C9orf85: variants seen among roughly 807,000 people sequenced by gnomAD.
C9orf85 encodes the protein chromosome 9 open reading frame 85.
Under a neutral mutation model 14.9 loss-of-function variants are expected in C9orf85, and 16 were observed. The observed-to-expected ratio is 1.08, with a 90% CI of 0.73 to 1.63. The LOEUF is 1.63. Among genes scored for constraint, C9orf85 ranks in the 40% most tolerant of loss-of-function variants. The pLI is 0.00. For synonymous variants in C9orf85, 45 were observed against 56.8 expected (o/e 0.79, Z 0.93); for missense variants, 172 against 186.1 (o/e 0.92, Z 0.44).
intron 2 of C9orf85, among the ~76,000 whole-genome samples, chr9:71,960,126 G>A (rs764884009): frequency 6.6e-6 from 1 of 152,146 alleles, no homozygotes; most frequent in Non-Finnish European, 1.5e-5. Flanking sequence ...AAAATGAAAT[G>A]AAACCCAGAG....
At chr9:71,926,554 C>T (rs1257224434) in intron 1 of C9orf85, among the ~76,000 whole-genome samples, 2 of 150,866 alleles carry the variant, frequency 1.3e-5, no homozygotes, top group Non-Finnish European at 2.9e-5. Flanking sequence ...TTTAAAAACC[C>T]GAAACCCGAA....
intron 1 of C9orf85, among the ~76,000 whole-genome samples, chr9:71,935,325 C>T (rs561875483): frequency 1.3e-5 from 2 of 152,210 alleles, no homozygotes; most frequent in Admixed American, 1.3e-4. Flanking sequence ...TTCATAGCAG[C>T]ATTATTTACA....
chr9:71,976,121 C>G (rs192717005), downstream of C9orf85, among the ~76,000 whole-genome samples: 1 of 152,240 alleles, frequency 6.6e-6, no homozygotes, highest in East Asian at 1.9e-4. Context: ...TATTTAGTTC[C>G]TCTACATATA....
At chr9:71,957,517 T>C (rs557234559) in intron 2 of C9orf85, among the ~76,000 whole-genome samples, 1 of 152,314 alleles carries the variant, frequency 6.6e-6, no homozygotes, top group South Asian at 2.1e-4. Context: ...AGGAGAAAGA[T>C]ATTAAATGAT....
intron 1 of C9orf85, among the ~76,000 whole-genome samples, chr9:71,944,499 G>A (rs1313350688): frequency 6.6e-6 from 1 of 151,366 alleles, no homozygotes; most frequent in East Asian, 1.9e-4. Context: ...TAAAACTTTT[G>A]ATTTTATATT....
chr9:71,943,823 G>C (rs887181780), intron 1 of C9orf85, among the ~76,000 whole-genome samples: 2 of 151,706 alleles, frequency 1.3e-5, no homozygotes, highest in African/African-American at 2.4e-5. Context: ...TTACAGGTGT[G>C]AGCCACCGCA....
downstream of C9orf85, among the ~76,000 whole-genome samples, chr9:71,974,574 T>C (rs1395400257): frequency 6.6e-6 from 1 of 152,160 alleles, no homozygotes; most frequent in Non-Finnish European, 1.5e-5. Flanking sequence ...TTGAGAGACA[T>C]TTGAGTTATC....
At chr9:71,921,964 C>G (rs1827820417) in intron 1 of C9orf85, among the ~76,000 whole-genome samples, 2 of 48,420 alleles carry the variant, frequency 4.1e-5, no homozygotes, top group Admixed American at 5.6e-4. Context: ...TATTTTGAAA[C>G]AGAGTCTTGC....
chr9:71,973,860 G>GT (rs60163753), downstream of C9orf85, among the ~76,000 whole-genome samples: 18,652 of 142,436 alleles, frequency 0.13, 1,354 homozygotes, highest in Middle Eastern at 0.18. Context: ...GGGTTTTGTT[G>GT]TTTTTTTTTT....
intron 2 of C9orf85, among the ~76,000 whole-genome samples, chr9:71,962,964 G>A (rs1287900336): frequency 1.3e-5 from 2 of 152,038 alleles, no homozygotes; most frequent in Non-Finnish European, 2.9e-5. Context: ...GCTGAGGCAC[G>A]ATAATCACTT....
At chr9:71,970,953 C>T (rs1822845781) in intron 2 of C9orf85, among the ~76,000 whole-genome samples, 1 of 151,906 alleles carries the variant, frequency 6.6e-6, no homozygotes, top group African/African-American at 2.4e-5. Context: ...TGGGGTTTCA[C>T]CATGTTGGCC....
chr9:71,950,609 A>G (rs1033676985), intron 2 of C9orf85, among the ~76,000 whole-genome samples: 5 of 152,108 alleles, frequency 3.3e-5, no homozygotes, highest in Non-Finnish European at 7.4e-5. Flanking sequence ...TGACCTCATG[A>G]TCCACCTGCC....
Position 71,948,811 on chromosome 9 carries a change from ACG to A in C9orf85, c.209+1701_209+1702del, listed in dbSNP as rs1305625292. ...AGTGCTGGGATTACAGGCGTGAGCC[ACG>A]CCCCCCCCCCCCCCTTTAAATAGTT... On this transcript the variant is annotated intron_variant, in intron 2 of 3. Coordinates refer to ENST00000334731, the MANE Select transcript of C9orf85 (RefSeq NM_182505.5). Among the ~76,000 whole-genome samples, 578 of 72,410 alleles carry A rather than the reference ACG, an allele frequency of 8.0e-3. 4 individuals are homozygous for A. Among genetic ancestry groups the A allele is most frequent in the Middle Eastern group, 0.048 (4 of 84 alleles). 47.5% of individuals were successfully genotyped at this position (72,410 alleles called of 152,430 possible).
intron 1 of C9orf85, chr9:71,918,537 AGCAGGAGTTGAACT>A: frequency 1.2e-6 from 1 of 862,284 alleles, no homozygotes; most frequent in Non-Finnish European, 1.7e-6. Flanking sequence ...TGGGCCACAC[AGCAGGAGTTGAACT>A]GCAGGTGAGT....
In C9orf85 at chr9:71,923,022, C is replaced by T. The variant is rs569911186; in HGVS notation, c.102+11186C>T. 1.3e-3 allele frequency among the ~76,000 whole-genome samples: 200 copies of T among 152,166 alleles called. 3 individuals are homozygous for T. In the South Asian group the frequency reaches 0.036, roughly 27 times the overall value. ...GTGCACGCCTGTAACCCCACCTACT[C>T]GGGAGGCTGGAGTGGGAGAATTGCA... is the stretch of plus-strand genomic sequence containing the variant. On this transcript the variant is annotated intron_variant, in intron 1 of 3. Coordinates refer to ENST00000334731, the MANE Select transcript of C9orf85 (RefSeq NM_182505.5).
chr9:71,919,850 T>C (rs967651851), intron 1 of C9orf85, among the ~76,000 whole-genome samples: 26 of 151,008 alleles, frequency 1.7e-4, no homozygotes, highest in Non-Finnish European at 4.4e-5. Flanking sequence ...GTTTCTTTTT[T>C]CTTTTTTTCT....
chr9:71,976,666 A>G (rs1392232141), downstream of C9orf85, among the ~76,000 whole-genome samples: 1 of 151,958 alleles, frequency 6.6e-6, no homozygotes, highest in African/African-American at 2.4e-5. Flanking sequence ...CATCTCAAAA[A>G]AAAAAAAAAA....
At position 71,911,688 on chromosome 9, in the gene C9orf85, C is replaced by T. The variant is rs756560964; in HGVS notation, c.-47C>T. On this transcript the variant is annotated 5_prime_UTR_variant, in exon 1 of 4. Coordinates refer to ENST00000334731, the MANE Select transcript of C9orf85 (RefSeq NM_182505.5). Reference sequence around the variant, plus strand: ...GAGTAGTTCGTTGGTTTTCTTTCCCCTCATCCTTTTGCCTGCTCCCGGCGA... The same window carrying T: ...GAGTAGTTCGTTGGTTTTCTTTCCCTTCATCCTTTTGCCTGCTCCCGGCGA... 5.9e-6 allele frequency: 9 copies of T among 1,536,312 alleles called. No homozygotes were observed. The highest frequency in any genetic ancestry group is 3.3e-5 in the South Asian group (3 of 89,590).
intron 2 of C9orf85, among the ~76,000 whole-genome samples, chr9:71,963,224 T>TA (rs1308301776): frequency 6.6e-6 from 1 of 152,186 alleles, no homozygotes; most frequent in Non-Finnish European, 1.5e-5. Context: ...GTATCCATTA[T>TA]AAAAAATGAG....
Sources: gnomAD v4.1 joint callset for allele counts (sites outside exome capture counted in the v4.1 genomes callset) on GRCh38, gnomAD v4.1.1 for gene constraint, MANE v1.5 for transcripts, NCBI Gene and HGNC (gene_info 2026-07-23, HGNC 2026-07-21) for gene names.